TMEM138: variants seen among roughly 807,000 people sequenced by gnomAD.
The protein encoded by TMEM138 is transmembrane protein 138.
Under a neutral mutation model 18.1 loss-of-function variants are expected in TMEM138, and 9 were observed. The observed-to-expected ratio is 0.50, with a 90% CI of 0.30 to 0.87. The LOEUF (loss-of-function observed/expected upper bound fraction) is 0.87. Ranked by LOEUF, TMEM138 falls within the 40% of genes least tolerant of loss-of-function variation. The pLI is 0.06. For missense variants in TMEM138, 189 were observed against 190.6 expected, an observed-to-expected ratio of 0.99 and a Z score of 0.05; for synonymous variants, 79 against 74.8, an observed-to-expected ratio of 1.06 and a Z score of -0.29.
At chr11:61,364,984 T>A (rs1199496388) in intron 2 of TMEM138, among the ~76,000 whole-genome samples, 1 of 151,532 alleles carries the variant, frequency 6.6e-6, no homozygotes, top group Non-Finnish European at 1.5e-5. Flanking sequence ...GGTCGGGAAT[T>A]CGGGACCAGT....
At chr11:61,364,562 C>A (rs1016832798) in intron 2 of TMEM138, 44 bp downstream of exon 2, 3 of 1,611,548 alleles carry the variant, frequency 1.9e-6, no homozygotes, top group Non-Finnish European at 2.5e-6. Flanking sequence ...CCACGCAATT[C>A]AAAGGCCCTG....
chr11:61,365,952 A>G, intron 2 of TMEM138, 93 bp from the exon 3 acceptor site: 2 of 1,448,736 alleles, frequency 1.4e-6, no homozygotes, highest in Admixed American at 5.0e-5. Context: ...CTCACAACAA[A>G]GGACAGGCCT....
rs1321926705 is a variant in TMEM138, at chr11:61,368,476, T to G, written c.377-121T>G. On this transcript the variant is annotated intron_variant, in intron 4 of 4. Transcript: ENST00000278826. ...TCTCTGACCTCATGATCCGCCTGCC[T>G]CTGCCTCCTAAAGTGCTGGGATTAC... 4.6e-6 allele frequency: 3 copies of G among 647,266 alleles called. No individual in the cohort carries two copies. In the African/African-American group the frequency reaches 5.4e-5, roughly 12 times the overall value. The allele number at this position is 647,266 out of a possible 1,614,324, so 40.1% of individuals were successfully genotyped here.
intron 4 of TMEM138, chr11:61,368,311 C>T (rs555861686): frequency 3.9e-4 from 202 of 516,270 alleles, no homozygotes; most frequent in South Asian, 3.7e-3. Flanking sequence ...CTGCAAGCTC[C>T]GCCTCCCGGG....
downstream of TMEM138, among the ~76,000 whole-genome samples, chr11:61,372,529 T>A (rs2135173277): frequency 6.8e-6 from 1 of 147,948 alleles, no homozygotes; most frequent in Middle Eastern, 3.5e-3. Flanking sequence ...ACGCCTGTAA[T>A]CCCAGCACTT....
In TMEM138 at chr11:61,368,592, C is replaced by G. The variant is rs1377712567; in HGVS notation, c.377-5C>G. 6.2e-7 allele frequency: 1 copy of G among 1,600,810 alleles called. No homozygotes were observed. Among genetic ancestry groups the G allele is most frequent in the South Asian group, 1.1e-5 (1 of 90,792 alleles). Reference sequence around the variant, plus strand: ...TGAGGCTTCTCTTCTGCTTCCTCCCCACAGCAGCAGTGTTGTACTGCTACT... The same window carrying G: ...TGAGGCTTCTCTTCTGCTTCCTCCCGACAGCAGCAGTGTTGTACTGCTACT... On this transcript the variant is annotated splice_polypyrimidine_tract_variant and splice_region_variant and intron_variant, in intron 4 of 4. Coordinates refer to ENST00000278826, the MANE Select transcript of TMEM138 (RefSeq NM_016464.5).
At chr11:61,374,794 C>T (rs545212290), downstream of TMEM138, among the ~76,000 whole-genome samples, 159 of 152,222 alleles carry the variant, frequency 1.0e-3, no homozygotes, top group African/African-American at 3.6e-3. Context: ...ACTAAAAATA[C>T]AAAAATTAGC....
downstream of TMEM138, among the ~76,000 whole-genome samples, chr11:61,376,232 C>A (rs1289376557): frequency 6.6e-6 from 1 of 152,004 alleles, no homozygotes; most frequent in Non-Finnish European, 1.5e-5. Flanking sequence ...GCCTGTAATT[C>A]CAGCTACTCA....
intron 3 of TMEM138, chr11:61,366,961 A>G (rs1195565990): frequency 6.6e-6 from 1 of 152,176 alleles, no homozygotes; most frequent in Non-Finnish European, 1.5e-5. Flanking sequence ...AGAACATTCA[A>G]TTCACCTTTG....
chr11:61,374,608 ATTG>A (rs1565083127), downstream of TMEM138, among the ~76,000 whole-genome samples: 1 of 152,138 alleles, frequency 6.6e-6, no homozygotes, highest in Non-Finnish European at 1.5e-5. Flanking sequence ...TCCATGGACA[ATTG>A]TTGTTTTGCT....
chr11:61,364,643 C>G, intron 2 of TMEM138, 125 bp downstream of exon 2: 1 of 1,322,488 alleles, frequency 7.6e-7, no homozygotes, highest in Non-Finnish European at 1.0e-6. Context: ...AATCCCAGGA[C>G]TTTGGGAAGC....
chr11:61,368,592 C>T lies in TMEM138; in HGVS notation c.377-5C>T. 6.2e-7 allele frequency: 1 copy of T among 1,600,810 alleles called. No individual in the cohort carries two copies. The highest frequency in any genetic ancestry group is 8.6e-7 in the Non-Finnish European group (1 of 1,168,566). ...TGAGGCTTCTCTTCTGCTTCCTCCC[C>T]ACAGCAGCAGTGTTGTACTGCTACT... On this transcript the variant is annotated splice_polypyrimidine_tract_variant and splice_region_variant and intron_variant, in intron 4 of 4. Transcript: ENST00000278826.
At chr11:61,362,762 CAGTTATG>C (rs1277232278) in intron 1 of TMEM138, 1 of 152,236 alleles carries the variant, frequency 6.6e-6, no homozygotes, top group African/African-American at 2.4e-5. Flanking sequence ...TTTGGCGTCA[CAGTTATG>C]AAGCCGGGTT....
chr11:61,366,910 T>G (rs189526614), intron 3 of TMEM138: 2 of 152,296 alleles, frequency 1.3e-5, no homozygotes, highest in Admixed American at 1.3e-4. Context: ...CAACCTTATG[T>G]GTTGAAAAAC....
chr11:61,368,789 C>G lies in TMEM138; in HGVS notation c.*80C>G. The G allele has an allele frequency of 2.9e-6, 3 of 1,043,514 alleles. No homozygotes were observed. The highest frequency in any genetic ancestry group is 4.4e-6 in the Non-Finnish European group (3 of 677,042). 64.6% of individuals were successfully genotyped at this position (1,043,514 alleles called of 1,614,324 possible). On this transcript the variant is annotated 3_prime_UTR_variant, in exon 5 of 5. Transcript: ENST00000278826. ...CTTTGCAGGGAGAGTTGGCCCTATG[C>G]ATGGGCAAACAGCTGGACTTTCCAA...
downstream of TMEM138, among the ~76,000 whole-genome samples, chr11:61,370,325 A>G (rs1238435602): frequency 2.0e-5 from 3 of 152,288 alleles, no homozygotes; most frequent in South Asian, 4.1e-4. Context: ...TGTTGGTTTG[A>G]TATTTTGGAC....
chr11:61,365,420 C>T (rs1218601258), intron 2 of TMEM138, among the ~76,000 whole-genome samples: 3 of 151,788 alleles, frequency 2.0e-5, no homozygotes, highest in African/African-American at 7.3e-5. Context: ...GCTACCACAC[C>T]CCACTATGTA....
chr11:61,373,850 T>C (rs1434188550), downstream of TMEM138, among the ~76,000 whole-genome samples: 1 of 151,876 alleles, frequency 6.6e-6, no homozygotes, highest in African/African-American at 2.4e-5. Flanking sequence ...TTATTTTTTT[T>C]TTTTTTAAAG....
chr11:61,365,855 G>A (rs1276746029), intron 2 of TMEM138, 190 bp from the exon 3 acceptor site: 2 of 578,724 alleles, frequency 3.5e-6, no homozygotes, highest in East Asian at 3.2e-5. Flanking sequence ...GGGGCCAGTG[G>A]GTAATTTTAG....
Sources: gnomAD v4.1 joint callset for allele counts (sites outside exome capture counted in the v4.1 genomes callset) on GRCh38, gnomAD v4.1.1 for gene constraint, MANE v1.5 for transcripts, NCBI Gene and HGNC (gene_info 2026-07-23, HGNC 2026-07-21) for gene names.